Variants in CEP250 observed in about 807,000 individuals in gnomAD.
CEP250 encodes the protein centrosomal protein 250.
In CEP250, 242 loss-of-function variants were observed where a neutral mutation model predicts 315.7. That is an observed-to-expected ratio of 0.77 (90% CI 0.69 to 0.85). CEP250 has a LOEUF of 0.85. Among genes scored for constraint, CEP250 ranks in the 40% least tolerant of loss-of-function variants. The pLI, the probability that CEP250 is intolerant of heterozygous loss-of-function variation, is 0.00. For missense variants in CEP250, 2,515 were observed against 2,886.4 expected (o/e 0.87, Z 2.95); for synonymous variants, 1,088 against 1,175.0 (o/e 0.93, Z 1.51).
At chr20:35,483,256 G>T (rs1296549138) in intron 20 of CEP250, among the ~76,000 whole-genome samples, 2 of 151,270 alleles carry the variant, frequency 1.3e-5, no homozygotes, top group African/African-American at 2.4e-5. Context: ...GGAGGTGGAG[G>T]TTGCGATGAG....
intron 23 of CEP250, chr20:35,494,229 C>T: frequency 6.7e-6 from 2 of 298,678 alleles, no homozygotes; most frequent in South Asian, 8.6e-5. Context: ...TCGCCTTGGC[C>T]TCCCAAAGTG....
In CEP250 at chr20:35,498,643, C is replaced by T. The variant is rs746352904; in HGVS notation, c.3704C>T (p.Ala1235Val). 4 of 1,608,254 alleles carry T rather than the reference C, an allele frequency of 2.5e-6. No homozygotes were observed. Among genetic ancestry groups the T allele is most frequent in the South Asian group, 1.1e-5 (1 of 90,092 alleles). ...SLFKRGPLLT[A>V]LSAEAVASAL... ...TTTAAGAGAGGGCCCCTGCTGACTG[C>T]TCTCTCCGCTGAGGCAGTAGCATCT... Residue 1235 changes from alanine to valine, a missense_variant, in exon 27 of 35, where the codon GCT (alanine) becomes GTT (valine). Transcript: ENST00000397527.
chr20:35,466,011 C>T (rs372185386), intron 6 of CEP250, 28 bp from the exon 7 acceptor site: 11 of 1,612,850 alleles, frequency 6.8e-6, no homozygotes, highest in Non-Finnish European at 8.5e-6. Context: ...CTTTATTTTG[C>T]ACCCACTTTT....
At chr20:35,491,883 T>C (rs958241483) in intron 22 of CEP250, among the ~76,000 whole-genome samples, 20 of 110,178 alleles carry the variant, frequency 1.8e-4, no homozygotes, top group African/African-American at 7.3e-4. Flanking sequence ...GCCTTGGTGA[T>C]AGAGCGAGTC....
intron 20 of CEP250, chr20:35,481,103 G>A (rs2063333283): frequency 6.6e-6 from 1 of 152,000 alleles, no homozygotes; most frequent in Non-Finnish European, 1.5e-5. Context: ...CCCTTTTCCT[G>A]AACGATACAA....
intron 6 of CEP250, 98 bp downstream of exon 6, chr20:35,465,923 A>G: frequency 9.2e-6 from 14 of 1,519,222 alleles, no homozygotes; most frequent in Non-Finnish European, 1.3e-5. Flanking sequence ...GACTTCAGCC[A>G]TAGCCCTCTA....
In CEP250 at chr20:35,473,422, C is replaced by T. The variant is rs1194475872; in HGVS notation, c.1258C>T (p.Gln420Ter). ...CTGTCAAGAGGCTGTGAACTTGTTG[C>T]AACAGCAGCATGATCAGTGGGAGGA... ...AGCQEAVNLL[Q>*]QQHDQWEEEG... The change falls in exon 13 of 35, where the codon CAA (glutamine) becomes TAA (stop). Residue 420 changes from glutamine to a stop codon, truncating the protein, a stop_gained. Transcript: ENST00000397527. LOFTEE classifies it high-confidence loss of function. 1 of 1,614,134 alleles carries T rather than the reference C, an allele frequency of 6.2e-7. No homozygotes were observed. Among genetic ancestry groups the T allele is most frequent in the East Asian group, 2.2e-5 (1 of 44,880 alleles).
Position 35,498,720 on chromosome 20 carries a change from T to C in CEP250, c.3777+4T>C, listed in dbSNP as rs1350695811. 6.4e-7 allele frequency: 1 copy of C among 1,566,484 alleles called. No individual in the cohort carries two copies. The highest frequency in any genetic ancestry group is 1.4e-5 in the African/African-American group (1 of 71,748). The stretch of plus-strand genomic sequence containing the variant: ...GTGGAAGACTCAACAGACCCGGGTA[T>C]GTTTCTCTGCTCCCCTTTCCCGAAC... On this transcript the variant is annotated splice_donor_region_variant and intron_variant, in intron 27 of 34. Transcript: ENST00000397527.
chr20:35,465,893 C>G lies in CEP250; in HGVS notation c.326+68C>G, dbSNP rs1022692801. 14 of 1,535,612 alleles carry G rather than the reference C, an allele frequency of 9.1e-6. No homozygotes were observed. The African/African-American group carries it at 1.6e-4, about 18-fold the overall frequency. ...GGTGGAGAAGGCTGATGGGAAACTT[C>G]TGCCCTGAGGGCTAATGTGGACTTC... On this transcript the variant is annotated intron_variant, in intron 6 of 34. Coordinates refer to ENST00000397527, the MANE Select transcript of CEP250 (RefSeq NM_007186.6).
intron 34 of CEP250, among the ~76,000 whole-genome samples, chr20:35,510,855 C>T (rs1237786059): frequency 7.2e-5 from 11 of 152,026 alleles, no homozygotes; most frequent in Non-Finnish European, 1.2e-4. Context: ...ATTAGCTGGA[C>T]GTGGTGGTGC....
rs1442933244 is a variant in CEP250 at position 35,494,704 on chromosome 20, A to G, written c.3167+47A>G. On this transcript the variant is annotated intron_variant, in intron 24 of 34. Transcript: ENST00000397527. ...GGTGGCTTTTGTCTATCTGGCTGCC[A>G]TGGTCACTGTGATATTGACAGTTGT... 7 of 1,608,476 alleles carry G rather than the reference A, an allele frequency of 4.4e-6. No homozygotes were observed. The African/African-American group carries it at 8.0e-5, about 18-fold the overall frequency.
At chr20:35,490,174 A>G (rs952755275) in intron 20 of CEP250, among the ~76,000 whole-genome samples, 6 of 152,060 alleles carry the variant, frequency 3.9e-5, no homozygotes. Context: ...TTAGCTGGGC[A>G]TGGTGGGGGG....
chr20:35,460,359 G>A (rs1373579933), intron 3 of CEP250, among the ~76,000 whole-genome samples: 5 of 152,166 alleles, frequency 3.3e-5, no homozygotes, highest in Non-Finnish European at 7.3e-5. Context: ...CCTCTTTAAT[G>A]CTACTATAAC....
intron 5 of CEP250, among the ~76,000 whole-genome samples, 175 bp from the exon 6 acceptor site, chr20:35,465,568 G>A (rs981787675): frequency 9.2e-5 from 14 of 152,176 alleles, no homozygotes; most frequent in Non-Finnish European, 1.5e-4. Flanking sequence ...TTTCAGGAGA[G>A]GTCATCAGTT....
At chr20:35,502,280 C>A in intron 29 of CEP250, 110 bp from the exon 30 acceptor site, 1 of 1,015,028 alleles carries the variant, frequency 9.9e-7, no homozygotes, top group Non-Finnish European at 1.4e-6. Context: ...TTTTTTTTGC[C>A]CAAGTCCTTA....
intron 21 of CEP250, 69 bp from the exon 22 acceptor site, chr20:35,491,143 G>T: frequency 6.4e-7 from 1 of 1,561,814 alleles, no homozygotes. Context: ...GCTGGGATGT[G>T]CTTGTGGCCT....
rs1285905262 is a variant in CEP250, at chr20:35,494,653, G to A, written c.3163G>A (p.Ala1055Thr). The A allele has an allele frequency of 1.2e-6, 2 of 1,614,016 alleles. No homozygotes were observed. Among genetic ancestry groups the A allele is most frequent in the Admixed American group, 3.3e-5 (2 of 60,022 alleles). ...TCAGAAGGAGCTGGAGAGAGAGAAAGCCAGGTAGGCTAGATAGGCCATGGA... is the reference window on the plus strand; with the variant it reads ...TCAGAAGGAGCTGGAGAGAGAGAAAACCAGGTAGGCTAGATAGGCCATGGA... ...RIQKELEREK[A>T]SLTLSLMEKE... The change falls in exon 24 of 35, where the codon GCC becomes ACC. Residue 1055 changes from alanine (A) to threonine (T), a missense_variant. Physicochemically the swap from Ala to Thr is moderately conservative, Grantham distance 58 (BLOSUM62 0). Transcript: ENST00000397527.
Position 35,504,562 on chromosome 20 carries a change from C to G in CEP250, c.6193C>G (p.Leu2065Val). Residue 2065 changes from leucine to valine, a missense_variant, in exon 30 of 35, where the codon CTG becomes GTG. Physicochemically the swap from Leu to Val is conservative, Grantham distance 32. Transcript: ENST00000397527. ...QEREQLLEKS[L>V]AQRVQENMIQ... The stretch of plus-strand genomic sequence containing the variant: ...ACGGGAGCAGCTGCTGGAGAAGTCT[C>G]TGGCCCAGAGGGTCCAAGAGAATAT... 6.2e-7 allele frequency: 1 copy of G among 1,614,150 alleles called. No homozygotes were observed. Among genetic ancestry groups the G allele is most frequent in the South Asian group, 1.1e-5 (1 of 91,084 alleles).
intron 20 of CEP250, among the ~76,000 whole-genome samples, chr20:35,484,246 CTT>C (rs1369100644): frequency 5.3e-5 from 8 of 151,266 alleles, no homozygotes; most frequent in Admixed American, 5.3e-4. Context: ...CTGTGGGAAT[CTT>C]TTTAGGCCTG....
Sources: allele counts gnomAD v4.1 joint callset (sites outside exome capture counted in the v4.1 genomes callset), GRCh38; gene constraint gnomAD v4.1.1; transcripts MANE v1.5; gene names NCBI Gene and HGNC (gene_info 2026-07-23, HGNC 2026-07-21).